Variants in MYO1H observed in about 807,000 individuals in gnomAD.
MYO1H encodes unconventional myosin-Ih.
In MYO1H, 118 loss-of-function variants were observed where a neutral mutation model predicts 149.3. The ratio of observed to expected loss-of-function variants is 0.79; its 90% CI spans 0.68 to 0.92. The LOEUF is 0.92. Among genes scored for constraint, MYO1H ranks in the 40% least tolerant of loss-of-function variants. MYO1H has a pLI of 0.00. For missense variants in MYO1H, 1,212 were observed against 1,280.7 expected, an observed-to-expected ratio of 0.95 and a Z score of 0.82; for synonymous variants, 447 against 465.2, an observed-to-expected ratio of 0.96 and a Z score of 0.50.
chr12:109,318,994 T>TTTTTTTTTTTTA, the MYO1H span, among the ~76,000 whole-genome samples: 1 of 135,338 alleles, frequency 7.4e-6, no homozygotes, highest in South Asian at 2.3e-4. Flanking sequence ...TTTTTTTTTT[T>TTTTTTTTTTTTA]GCAACTTTTC....
chr12:109,424,862 C>G, intron 17 of MYO1H, 34 bp downstream of exon 17: 1 of 1,575,740 alleles, frequency 6.3e-7, no homozygotes, highest in Non-Finnish European at 8.7e-7. Flanking sequence ...AAAATTGGAT[C>G]TCACCAGAGG....
intron 19 of MYO1H, among the ~76,000 whole-genome samples, chr12:109,428,535 T>C (rs1871476303): frequency 6.6e-6 from 1 of 152,246 alleles, no homozygotes; most frequent in Non-Finnish European, 1.5e-5. Context: ...TGATGGGCTG[T>C]GTGTGAATTT....
At chr12:109,313,078 A>G in the MYO1H span, among the ~76,000 whole-genome samples, 1 of 151,954 alleles carries the variant, frequency 6.6e-6, no homozygotes, top group Non-Finnish European at 1.5e-5. Context: ...TGTCTCTACA[A>G]AAAAAATAAA....
chr12:109,324,698 C>CT, the MYO1H span, among the ~76,000 whole-genome samples: 1 of 149,226 alleles, frequency 6.7e-6, no homozygotes, highest in Non-Finnish European at 1.5e-5. Flanking sequence ...TTTTCTTTTT[C>CT]TTTTCTTTTT....
At chr12:109,318,982 T>TTTTTTTTG in the MYO1H span, among the ~76,000 whole-genome samples, 3 of 144,912 alleles carry the variant, frequency 2.1e-5, no homozygotes, top group East Asian at 4.0e-4. Context: ...GTTTTTTTTT[T>TTTTTTTTG]TTTTTTTTTT....
chr12:109,345,213 A>G (rs1180784450), upstream of MYO1H, among the ~76,000 whole-genome samples: 1 of 152,232 alleles, frequency 6.6e-6, no homozygotes, highest in Non-Finnish European at 1.5e-5. Flanking sequence ...AGTGTCAGAT[A>G]AAGTTCTAGT....
At chr12:109,339,773 T>C in the MYO1H span, among the ~76,000 whole-genome samples, 5 of 152,158 alleles carry the variant, frequency 3.3e-5, no homozygotes, top group African/African-American at 9.7e-5. Context: ...TCCTTACCAT[T>C]ATGAAAATCC....
intron 2 of MYO1H, among the ~76,000 whole-genome samples, chr12:109,389,065 T>G (rs1475378400): frequency 6.6e-6 from 1 of 152,176 alleles, no homozygotes; most frequent in African/African-American, 2.4e-5. Flanking sequence ...AAAAGGAATC[T>G]GTCCATGTCT....
At chr12:109,424,827 C>G in exon 17 of MYO1H, 1 of 1,613,428 alleles carries the variant, frequency 6.2e-7, no homozygotes, top group South Asian at 1.1e-5. Flanking sequence ...AGGCCCCCAA[C>G]AGTGAGTGGG....
At chr12:109,431,992 A>ATTTTTTTTTTT (rs554701536) in intron 19 of MYO1H, among the ~76,000 whole-genome samples, 1 of 85,744 alleles carries the variant, frequency 1.2e-5, no homozygotes, top group Non-Finnish European at 2.1e-5. Flanking sequence ...TAAAAAAAAA[A>ATTTTTTTTTTT]TTTTTTTTTT....
At chr12:109,343,309 ACTT>A (rs1304653306), upstream of MYO1H, among the ~76,000 whole-genome samples, 5 of 152,144 alleles carry the variant, frequency 3.3e-5, no homozygotes, top group Non-Finnish European at 7.4e-5. Flanking sequence ...CTCCAGATAA[ACTT>A]CTGTGTAGAA....
chr12:109,438,443 A>G (rs1871965359), intron 22 of MYO1H, 93 bp from the exon 23 acceptor site: 3 of 934,316 alleles, frequency 3.2e-6, no homozygotes, highest in Non-Finnish European at 5.1e-6. Context: ...GGGCGTCCAG[A>G]TGTTTGTTGA....
chr12:109,379,729 C>CT (rs35773327), intron 1 of MYO1H, among the ~76,000 whole-genome samples: 5,128 of 103,482 alleles, frequency 0.05, 253 homozygotes, highest in African/African-American at 0.083. Flanking sequence ...CAATTTTAAC[C>CT]TTTTTTTTTT....
At chr12:109,383,159 A>G (rs1201301101) in intron 1 of MYO1H, among the ~76,000 whole-genome samples, 6 of 152,236 alleles carry the variant, frequency 3.9e-5, no homozygotes, top group Middle Eastern at 3.4e-3. Context: ...TGCTTTCCTC[A>G]ATTTTACATA....
At chr12:109,322,509 G>A in the MYO1H span, among the ~76,000 whole-genome samples, 1 of 152,132 alleles carries the variant, frequency 6.6e-6, no homozygotes, top group Non-Finnish European at 1.5e-5. Flanking sequence ...ACAAAGCCAA[G>A]TAATGTTCTT....
chr12:109,406,071 G>A (rs1213526581), intron 8 of MYO1H, 36 bp downstream of exon 8: 1 of 1,469,900 alleles, frequency 6.8e-7, no homozygotes, highest in Admixed American at 1.7e-5. Context: ...AGAAGGAGGG[G>A]GATGGGTGGG....
In MYO1H at chr12:109,443,090, GTA is replaced by G. The variant is rs1218617828; in HGVS notation, c.2689-418_2689-417del. 7.1e-3 allele frequency among the ~76,000 whole-genome samples: 827 copies of G among 116,280 alleles called. 182 individuals are homozygous for G. Among genetic ancestry groups the G allele is most frequent in the Middle Eastern group, 0.015 (3 of 206 alleles). The allele number at this position is 116,280 out of a possible 152,430, so 76.3% of individuals were successfully genotyped here. ...TGTGTATATATGTGTACGTATGTGTGTATATATGTGTACGTATATGTGTGTAT... is the reference window on the plus strand; with the variant it reads ...TGTGTATATATGTGTACGTATGTGTGTATATGTGTACGTATATGTGTGTAT... On this transcript the variant is annotated intron_variant, in intron 27 of 31. Transcript: ENST00000310903.
the MYO1H span, among the ~76,000 whole-genome samples, chr12:109,324,340 T>A: frequency 6.6e-6 from 1 of 152,328 alleles, no homozygotes; most frequent in Admixed American, 6.5e-5. Flanking sequence ...TTCTGTTGGT[T>A]ACAAGTAAGT....
chr12:109,331,567 T>G, the MYO1H span, among the ~76,000 whole-genome samples: 2 of 152,318 alleles, frequency 1.3e-5, no homozygotes, highest in East Asian at 3.9e-4. Context: ...GAGCTTCTTG[T>G]AAGAAAAGAA....
Sources: allele counts gnomAD v4.1 joint callset (sites outside exome capture counted in the v4.1 genomes callset), GRCh38; gene constraint gnomAD v4.1.1; transcripts MANE v1.5; gene names NCBI Gene and HGNC (gene_info 2026-07-23, HGNC 2026-07-21).